The following TAFA2 variants were observed in gnomAD, a reference collection of about 807,000 sequenced individuals.
TAFA2 encodes the protein TAFA chemokine like family member 2.
In TAFA2, 7 loss-of-function variants were observed where a neutral mutation model predicts 18.8. The ratio of observed to expected loss-of-function variants is 0.37; its 90% CI spans 0.21 to 0.70. The LOEUF (loss-of-function observed/expected upper bound fraction) is 0.70, where lower values mean the gene tolerates loss of function less well. TAFA2 is among the 30% of genes least tolerant of loss of function. The pLI, the probability that TAFA2 is intolerant of heterozygous loss-of-function variation, is 0.53. For synonymous variants in TAFA2, 60 were observed against 54.2 expected (o/e 1.11, Z -0.47); for missense variants, 122 against 158.1 (o/e 0.77, Z 1.23).
At chr12:62,223,767 A>G (rs572345965) in intron 1 of TAFA2, among the ~76,000 whole-genome samples, 5 of 152,320 alleles carry the variant, frequency 3.3e-5, no homozygotes, top group South Asian at 2.1e-4. Flanking sequence ...TAAAAAATAG[A>G]TAAGTTGGAC....
At position 61,895,356 on chromosome 12, in the gene TAFA2, C is replaced by A. The variant is rs182640929; in HGVS notation, c.-1-27930G>T. On this transcript the variant is annotated intron_variant, in intron 1 of 4. Coordinates refer to ENST00000416284, the MANE Select transcript of TAFA2 (RefSeq NM_178539.5). ...TTCCATGGTTTTTCTTAAAGAAAAA[C>A]CTATTTCTTCTACATCCTTTCACCA... Among the ~76,000 whole-genome samples the A allele has an allele frequency of 3.9e-3, 596 of 152,114 alleles. 3 individuals are homozygous for A. The highest frequency in any genetic ancestry group is 0.013 in the African/African-American group (551 of 41,508).
At chr12:61,843,186 A>G (rs889405043) in intron 2 of TAFA2, among the ~76,000 whole-genome samples, 3 of 152,016 alleles carry the variant, frequency 2.0e-5, no homozygotes, top group Non-Finnish European at 4.4e-5. Context: ...CAATCATGAA[A>G]AGTTATTTCA....
intron 1 of TAFA2, among the ~76,000 whole-genome samples, chr12:62,200,925 T>C (rs1221988917): frequency 1.3e-5 from 2 of 152,212 alleles, no homozygotes; most frequent in Non-Finnish European, 2.9e-5. Context: ...CCCTGAGCAG[T>C]GGTTCGTAGT....
intron 1 of TAFA2, among the ~76,000 whole-genome samples, chr12:62,032,986 T>C (rs879913603): frequency 1.3e-5 from 2 of 152,114 alleles, no homozygotes; most frequent in Admixed American, 1.3e-4. Context: ...AAATTTTTGA[T>C]CCAAACCGCA....
At position 62,181,994 on chromosome 12, in the gene TAFA2, C is replaced by CCCA. The variant is rs541761867; in HGVS notation, c.-2+9264_-2+9265insTGG. ...CTTCATCTTTTCTCAAGTCCATCCC[C>CCCA]CCCCCGCTACACATAGTAGCTACTC... On this transcript the variant is annotated intron_variant, in intron 1 of 4. Coordinates refer to ENST00000416284, the MANE Select transcript of TAFA2 (RefSeq NM_178539.5). Among the ~76,000 whole-genome samples, 9 of 149,312 alleles carry CCCA rather than the reference C, an allele frequency of 6.0e-5. 1 individual carries two copies. Among genetic ancestry groups the CCCA allele is most frequent in the African/African-American group, 1.7e-4 (7 of 40,428 alleles).
intron 1 of TAFA2, among the ~76,000 whole-genome samples, chr12:61,898,273 A>T (rs146650560): frequency 1.2e-3 from 180 of 152,278 alleles, no homozygotes; most frequent in African/African-American, 4.2e-3. Flanking sequence ...TTGTCAGTGG[A>T]TCTACAATTC....
At chr12:62,204,013 CT>C (rs1283327139) in intron 1 of TAFA2, among the ~76,000 whole-genome samples, 2 of 152,132 alleles carry the variant, frequency 1.3e-5, no homozygotes, top group Non-Finnish European at 2.9e-5. Context: ...TTCAGGAGCT[CT>C]TGCAAGGCAG....
At chr12:61,824,858 T>C (rs538443497) in intron 2 of TAFA2, among the ~76,000 whole-genome samples, 1 of 152,310 alleles carries the variant, frequency 6.6e-6, no homozygotes, top group South Asian at 2.1e-4. Context: ...TGTGAATGTG[T>C]TGTCAATGCA....
At chr12:62,005,633 G>C (rs1482564972) in intron 1 of TAFA2, among the ~76,000 whole-genome samples, 2 of 152,056 alleles carry the variant, frequency 1.3e-5, no homozygotes, top group Non-Finnish European at 2.9e-5. Flanking sequence ...TATTCATTCT[G>C]AGAGCAGGAA....
intron 2 of TAFA2, among the ~76,000 whole-genome samples, chr12:61,839,475 C>T (rs542180889): frequency 2.6e-5 from 4 of 152,090 alleles, no homozygotes; most frequent in African/African-American, 7.2e-5. Context: ...ACACTACTCA[C>T]GATAGCAAAG....
intron 1 of TAFA2, among the ~76,000 whole-genome samples, chr12:61,954,876 G>A (rs776395100): frequency 6.6e-6 from 1 of 152,108 alleles, no homozygotes; most frequent in African/African-American, 2.4e-5. Flanking sequence ...CTCATAGGAA[G>A]TCCTATTTCA....
intron 2 of TAFA2, among the ~76,000 whole-genome samples, chr12:61,792,117 G>A (rs1871006350): frequency 6.6e-6 from 1 of 151,452 alleles, no homozygotes; most frequent in African/African-American, 2.4e-5. Context: ...AGATACAAAA[G>A]GAAAAATACT....
At chr12:62,210,515 C>A (rs2062709014) in intron 1 of TAFA2, among the ~76,000 whole-genome samples, 1 of 152,158 alleles carries the variant, frequency 6.6e-6, no homozygotes, top group African/African-American at 2.4e-5. Flanking sequence ...TTTGGCCACC[C>A]AGCGTCAAAA....
intron 1 of TAFA2, among the ~76,000 whole-genome samples, chr12:62,222,251 C>T (rs1205040670): frequency 6.6e-6 from 1 of 152,058 alleles, no homozygotes; most frequent in African/African-American, 2.4e-5. Context: ...TTCAACACAG[C>T]CCTGGCTCAT....
At chr12:61,803,435 A>G (rs922941447) in intron 2 of TAFA2, among the ~76,000 whole-genome samples, 1 of 151,962 alleles carries the variant, frequency 6.6e-6, no homozygotes, top group African/African-American at 2.4e-5. Context: ...TTCTCTAACC[A>G]ACTTTGTTCT....
intron 1 of TAFA2, among the ~76,000 whole-genome samples, chr12:61,939,080 A>G (rs1473026436): frequency 1.1e-4 from 17 of 152,212 alleles, no homozygotes; most frequent in Admixed American, 1.0e-3. Flanking sequence ...TTAAAAAAGT[A>G]TACCTATCGT....
intron 1 of TAFA2, among the ~76,000 whole-genome samples, chr12:61,906,285 T>A (rs147463005): frequency 5.9e-5 from 9 of 152,260 alleles, no homozygotes; most frequent in South Asian, 2.1e-4. Context: ...AGGGACCCAG[T>A]GGGAGGTAAC....
rs117538869 is a variant in TAFA2, at chr12:61,808,773, T to C, written c.107-53749A>G. Among the ~76,000 whole-genome samples the C allele has an allele frequency of 9.1e-4, 138 of 151,608 alleles. 3 individuals carry two copies. The East Asian group carries it at 0.024, about 26-fold the overall frequency. On this transcript the variant is annotated intron_variant, in intron 2 of 4. Coordinates refer to ENST00000416284, the MANE Select transcript of TAFA2 (RefSeq NM_178539.5). ...ACTGGAATTAACGAGATCAATGTTG[T>C]CACAGTAGCCTTATATCTTTGCACA... is the stretch of plus-strand genomic sequence containing the variant.
At chr12:61,825,392 G>T (rs935424543) in intron 2 of TAFA2, among the ~76,000 whole-genome samples, 6 of 152,114 alleles carry the variant, frequency 3.9e-5, no homozygotes, top group African/African-American at 1.4e-4. Flanking sequence ...CATTAGGAGG[G>T]TTAAGAGGCA....
Sources: gnomAD v4.1 joint callset for allele counts (sites outside exome capture counted in the v4.1 genomes callset) on GRCh38, gnomAD v4.1.1 for gene constraint, MANE v1.5 for transcripts, NCBI Gene and HGNC (gene_info 2026-07-23, HGNC 2026-07-21) for gene names.